The following KIF13A variants were observed in gnomAD, a reference collection of about 807,000 sequenced individuals.
The protein encoded by KIF13A is kinesin family member 13A.
KIF13A carries 79 observed loss-of-function variants against 212.2 expected under a neutral mutation model. The ratio of observed to expected loss-of-function variants is 0.37; its 90% CI spans 0.31 to 0.45. The LOEUF (loss-of-function observed/expected upper bound fraction) is 0.45, where lower values mean the gene tolerates loss of function less well. Among genes scored for constraint, KIF13A ranks in the 20% least tolerant of loss-of-function variants. The pLI, the probability that KIF13A is intolerant of heterozygous loss-of-function variation, is 1.00. For synonymous variants in KIF13A, 789 were observed against 808.6 expected (o/e 0.98, Z 0.41); for missense variants, 1,901 against 2,209.0 (o/e 0.86, Z 2.79).
At chr6:17,976,016 T>TATGTTTACAAACCTTGAGCTAGATAC (rs1228032977) in intron 2 of KIF13A, among the ~76,000 whole-genome samples, 1 of 152,110 alleles carries the variant, frequency 6.6e-6, no homozygotes, top group Non-Finnish European at 1.5e-5. Flanking sequence ...TGCTGATTGG[T>TATGTTTACAAACCTTGAGCTAGATAC]ATGTTTACAA....
rs1057223680 is a variant in KIF13A, at chr6:17,785,383, A to G, written c.3488+132T>C. 4 of 998,070 alleles carry G rather than the reference A, an allele frequency of 4.0e-6. No homozygotes were observed. The highest frequency in any genetic ancestry group is 5.6e-6 in the Non-Finnish European group (4 of 715,478). The allele number at this position is 998,070 out of a possible 1,614,324, so 61.8% of individuals were successfully genotyped here. ...AAAAGGGATGGAAGCATTAGAGATG[A>G]GTGGACATTCCCTAAGTAGTTCAGC... On this transcript the variant is annotated intron_variant, in intron 28 of 38. Coordinates refer to ENST00000259711, the MANE Select transcript of KIF13A (RefSeq NM_022113.6). This position sits in a 1 kb window ranked among gnomAD's most constrained non-coding sequence, Gnocchi z 5.8.
At chr6:17,962,746 T>C (rs979438639) in intron 2 of KIF13A, among the ~76,000 whole-genome samples, 13 of 152,126 alleles carry the variant, frequency 8.5e-5, no homozygotes, top group Admixed American at 7.9e-4. Context: ...TCTCTCTCTC[T>C]CCCTTTCCTC....
At chr6:17,862,934 C>A (rs1008928589) in intron 4 of KIF13A, among the ~76,000 whole-genome samples, 6 of 152,028 alleles carry the variant, frequency 3.9e-5, no homozygotes, top group African/African-American at 1.4e-4. Context: ...GGCGACAGAG[C>A]GAGACTGCGT....
Position 17,777,291 on chromosome 6 carries a change from G to A in KIF13A, c.4156C>T (p.Pro1386Ser). 1 of 1,612,448 alleles carries A rather than the reference G, an allele frequency of 6.2e-7. No individual in the cohort carries two copies. Among genetic ancestry groups the A allele is most frequent in the Non-Finnish European group, 8.5e-7 (1 of 1,179,084 alleles). Residue 1386 changes from proline (P) to serine (S), a missense_variant, in exon 34 of 39, where the codon CCA (proline) becomes TCA (serine). This residue lies in a region of KIF13A where 687 missense variants were observed against 759.1 expected (regional missense o/e 0.90). Transcript: ENST00000259711. The surrounding 1 kb of genome is among the most constrained non-coding windows in gnomAD (Gnocchi z 4.4). ...ARHIRRSLST[P>S]NVHNVSSSRP... ...GATGCACTTACATTATGAACATTTG[G>A]TGTACTGAGGCTCCTCCGAATGTGC... is the stretch of plus-strand genomic sequence containing the variant.
chr6:17,944,025 C>T (rs1456346928), intron 2 of KIF13A, among the ~76,000 whole-genome samples: 1 of 152,166 alleles, frequency 6.6e-6, no homozygotes, highest in East Asian at 1.9e-4. Context: ...CTAATAATTA[C>T]ACACTTGCTG....
In KIF13A at chr6:17,827,071, TA is replaced by T. The variant is rs542468607; in HGVS notation, c.1533-948del. Among the ~76,000 whole-genome samples, 375 of 141,272 alleles carry T rather than the reference TA, an allele frequency of 2.7e-3. 2 individuals are homozygous for T. Among genetic ancestry groups the T allele is most frequent in the East Asian group, 7.1e-3 (34 of 4,814 alleles). 92.7% of individuals were successfully genotyped at this position (141,272 alleles called of 152,430 possible). On this transcript the variant is annotated intron_variant, in intron 14 of 38. Transcript: ENST00000259711. ...AGTGAGACTCTGTCTCAAAATAAAT[TA>T]AAAAAAAAATAAATAAATAAAATAA...
intron 2 of KIF13A, among the ~76,000 whole-genome samples, chr6:17,901,684 G>A (rs1169254298): frequency 6.6e-6 from 1 of 152,116 alleles, no homozygotes; most frequent in African/African-American, 2.4e-5. Flanking sequence ...CCATTTTGGA[G>A]CTGCCCAAAT....
intron 13 of KIF13A, 110 bp downstream of exon 13, chr6:17,830,991 A>G: frequency 1.0e-6 from 1 of 971,722 alleles, no homozygotes; most frequent in East Asian, 2.4e-5. Context: ...AGTTTTACTG[A>G]GGGCTAAGCT....
intron 2 of KIF13A, among the ~76,000 whole-genome samples, chr6:17,930,042 C>T (rs1479642921): frequency 6.6e-6 from 1 of 152,218 alleles, no homozygotes; most frequent in African/African-American, 2.4e-5. Context: ...AATGGGGCTA[C>T]AGTCTGCCTG....
chr6:17,930,939 T>C (rs1775932609), intron 2 of KIF13A, among the ~76,000 whole-genome samples: 1 of 152,236 alleles, frequency 6.6e-6, no homozygotes, highest in Non-Finnish European at 1.5e-5. Flanking sequence ...TCTAAGTGTT[T>C]TCTCCACTAA....
chr6:17,983,217 A>AT (rs1781245717), intron 2 of KIF13A, among the ~76,000 whole-genome samples: 1 of 151,990 alleles, frequency 6.6e-6, no homozygotes, highest in African/African-American at 2.4e-5. Flanking sequence ...TTTCTTAAAA[A>AT]ATATATAAAT....
Position 17,794,264 on chromosome 6 carries a change from C to A in KIF13A, c.3207G>T (p.Gly1069=), listed in dbSNP as rs757581118. 2 of 1,612,984 alleles carry A rather than the reference C, an allele frequency of 1.2e-6. No individual in the cohort carries two copies. The highest frequency in any genetic ancestry group is 8.5e-7 in the Non-Finnish European group (1 of 1,179,176). Residue 1069 remains glycine (G), a synonymous_variant, in exon 25 of 39, where the codon GGG becomes GGT. Coordinates refer to ENST00000259711, the MANE Select transcript of KIF13A (RefSeq NM_022113.6). This position sits in a 1 kb window ranked among gnomAD's most constrained non-coding sequence, Gnocchi z 4.1. Reference sequence around the variant, plus strand: ...CTTGTCTTACCTGGTAACTGTCCAGCCCTCTTTGGAGTTTGGTGGACCTGG... The same window carrying A: ...CTTGTCTTACCTGGTAACTGTCCAGACCTCTTTGGAGTTTGGTGGACCTGG... ...VTARSTKLQR[G]LDSYQRDDED... is the part of the protein sequence containing the mutation.
At chr6:17,972,536 T>C (rs563654310) in intron 2 of KIF13A, among the ~76,000 whole-genome samples, 1 of 152,324 alleles carries the variant, frequency 6.6e-6, no homozygotes, top group South Asian at 2.1e-4. Context: ...TAAGTATGTT[T>C]AAAGGCTTGT....
intron 2 of KIF13A, among the ~76,000 whole-genome samples, chr6:17,952,352 G>A (rs1366540941): frequency 1.3e-5 from 2 of 151,580 alleles, no homozygotes; most frequent in African/African-American, 4.8e-5. Flanking sequence ...AAAATAATTG[G>A]CCAGGTGTGG....
At chr6:17,882,051 T>C (rs982386054) in intron 3 of KIF13A, 3 of 456,836 alleles carry the variant, frequency 6.6e-6, no homozygotes, top group African/African-American at 6.0e-5. Flanking sequence ...CCAGAAGGCA[T>C]CTGTGTTTTA....
chr6:17,905,296 C>T (rs1024149595), intron 2 of KIF13A, among the ~76,000 whole-genome samples: 8 of 152,070 alleles, frequency 5.3e-5, no homozygotes, highest in Admixed American at 5.2e-4. Context: ...GTACTAACTC[C>T]CACAATGCAT....
intron 29 of KIF13A, among the ~76,000 whole-genome samples, chr6:17,782,991 C>G (rs991485433): frequency 6.6e-6 from 1 of 152,180 alleles, no homozygotes; most frequent in Non-Finnish European, 1.5e-5. Context: ...GCCAAAGCCA[C>G]CCTCCCTGTG....
rs190949085 is a variant in KIF13A at position 17,856,356 on chromosome 6, T to A, written c.221-234A>T. Among the ~76,000 whole-genome samples, 253 of 152,322 alleles carry A rather than the reference T, an allele frequency of 1.7e-3. 1 individual carries two copies. Among genetic ancestry groups the A allele is most frequent in the Non-Finnish European group, 1.5e-3 (102 of 68,014 alleles). ...CCCTCTAAGACACTTCTCTAGATATTAAAGTTTTCTTTCCATTGTGAGTGG... is the reference window on the plus strand; with the variant it reads ...CCCTCTAAGACACTTCTCTAGATATAAAAGTTTTCTTTCCATTGTGAGTGG... On this transcript the variant is annotated intron_variant, in intron 4 of 38. Coordinates refer to ENST00000259711, the MANE Select transcript of KIF13A (RefSeq NM_022113.6). The surrounding 1 kb of genome is among the most constrained non-coding windows in gnomAD (Gnocchi z 4.5).
In KIF13A at chr6:17,871,233, T is replaced by C. The variant is rs990728876; in HGVS notation, c.220+2144A>G. Among the ~76,000 whole-genome samples the C allele has an allele frequency of 6.6e-6, 1 of 152,230 alleles. No individual in the cohort carries two copies. Among genetic ancestry groups the C allele is most frequent in the Non-Finnish European group, 1.5e-5 (1 of 68,044 alleles). On this transcript the variant is annotated intron_variant, in intron 4 of 38. Transcript: ENST00000259711. This position sits in a 1 kb window ranked among gnomAD's most constrained non-coding sequence, Gnocchi z 4.4. ...GGAATGGCTGAATCAGGCGATTTAA[T>C]GTATGTGTTGTCTCAAATACTTATC... is the stretch of plus-strand genomic sequence containing the variant.
Sources: allele counts gnomAD v4.1 joint callset (sites outside exome capture counted in the v4.1 genomes callset), GRCh38; gene constraint gnomAD v4.1.1; regional missense constraint gnomAD v4.1.1; non-coding constraint Gnocchi (gnomAD v3.1); transcripts MANE v1.5; gene names NCBI Gene and HGNC (gene_info 2026-07-23, HGNC 2026-07-21).